The following AMZ2 variants were observed in gnomAD, a reference collection of about 807,000 sequenced individuals.
The protein encoded by AMZ2 is archaelysin family metallopeptidase 2.
AMZ2 carries 26 observed loss-of-function variants against 36.7 expected under a neutral mutation model. The observed-to-expected ratio is 0.71, with a 90% CI of 0.52 to 0.98. AMZ2 has a LOEUF of 0.98. Among genes scored for constraint, AMZ2 ranks in the 50% least tolerant of loss-of-function variants. AMZ2 has a pLI of 0.00. For synonymous variants in AMZ2, 144 were observed against 149.1 expected (o/e 0.97, Z 0.25); for missense variants, 394 against 430.5 (o/e 0.92, Z 0.75).
chr17:68,256,872 A>G lies in AMZ2; in HGVS notation c.986A>G (p.His329Arg). 1.9e-6 allele frequency: 3 copies of G among 1,614,202 alleles called. No homozygotes were observed. The highest frequency in any genetic ancestry group is 2.5e-6 in the Non-Finnish European group (3 of 1,180,038). Residue 329 changes from histidine to arginine, a missense_variant, in exon 7 of 7, where the codon CAC becomes CGC. Physicochemically the swap from His to Arg is conservative, Grantham distance 29. Coordinates refer to ENST00000359904, the MANE Select transcript of AMZ2 (RefSeq NM_016627.5). The part of the protein sequence containing the change: ...SSDTPGATPE[H>R]SHEDNGNLPK... ...GACACACCTGGAGCAACTCCAGAACACAGTCACGAGGATAATGGGAATTTA... is the reference window on the plus strand; with the variant it reads ...GACACACCTGGAGCAACTCCAGAACGCAGTCACGAGGATAATGGGAATTTA...
In AMZ2 at chr17:68,250,903, T is replaced by C. The variant is rs1204065384; in HGVS notation, c.393T>C (p.Pro131=). ...GAGTAAAACTCCTAGAACCAGTTCC[T>C]GTTTCTGTAACAAGATGTTCCTTTA... ...GLRVKLLEPV[P]VSVTRCSFRV... Residue 131 remains proline, a synonymous_variant, in exon 3 of 7, where the codon CCT becomes CCC. Coordinates refer to ENST00000359904, the MANE Select transcript of AMZ2 (RefSeq NM_016627.5). 6.2e-7 allele frequency: 1 copy of C among 1,610,778 alleles called. No individual in the cohort carries two copies. Among genetic ancestry groups the C allele is most frequent in the African/African-American group, 1.3e-5 (1 of 74,730 alleles).
Position 68,235,121 on chromosome 17 carries a change from C to T in AMZ2, c.-66-13519C>T, listed in dbSNP as rs34963864. Among the ~76,000 whole-genome samples the T allele has an allele frequency of 0.22, 33,451 of 152,166 alleles. 4,486 individuals are homozygous for T. The highest frequency in any genetic ancestry group is 0.38 in the African/African-American group (15,562 of 41,492). The stretch of plus-strand genomic sequence containing the variant: ...ACTCATAGTGACTCACATCAACAGG[C>T]CCTTTTGTCAGCGGGCATTTCCGTA... On this transcript the variant is annotated intron_variant, in intron 1 of 7. Coordinates refer to the AMZ2 transcript ENST00000674770. The surrounding 1 kb of genome is among the most constrained non-coding windows in gnomAD (Gnocchi z 4.2).
intron 1 of AMZ2, among the ~76,000 whole-genome samples, chr17:68,214,219 T>A (rs1365160538): frequency 6.6e-6 from 1 of 152,194 alleles, no homozygotes; most frequent in African/African-American, 2.4e-5. Context: ...CAATTTTGAC[T>A]TAACCATTGG....
chr17:68,219,494 C>T (rs1333213909), intron 1 of AMZ2, among the ~76,000 whole-genome samples: 1 of 152,040 alleles, frequency 6.6e-6, no homozygotes, highest in Non-Finnish European at 1.5e-5. Flanking sequence ...ACTGCTTTTT[C>T]AGGGAACTTA....
At chr17:68,206,229 A>G (rs62085747) in exon 1 of AMZ2, 300,129 of 1,300,040 alleles carry the variant, frequency 0.23, 40,125 homozygotes, top group African/African-American at 0.6. Context: ...TACCTACAGC[A>G]GCACTCCAGG....
At chr17:68,243,784 C>T (rs1380844510), upstream of AMZ2, among the ~76,000 whole-genome samples, 1 of 152,002 alleles carries the variant, frequency 6.6e-6, no homozygotes, top group African/African-American at 2.4e-5. Flanking sequence ...ATATATCACA[C>T]ATTCAAAAAA....
intron 1 of AMZ2, among the ~76,000 whole-genome samples, chr17:68,234,651 T>C (rs782682725): frequency 3.3e-5 from 5 of 151,980 alleles, no homozygotes; most frequent in African/African-American, 4.8e-5. Context: ...ACACCTATAG[T>C]CTTAGCTACT....
At chr17:68,228,132 C>A (rs539383798) in intron 1 of AMZ2, among the ~76,000 whole-genome samples, 2 of 152,072 alleles carry the variant, frequency 1.3e-5, no homozygotes, top group Admixed American at 6.6e-5. Context: ...CTTTCCTGCC[C>A]GAGCTCAGCT....
At chr17:68,210,700 C>T (rs573301873) in intron 1 of AMZ2, among the ~76,000 whole-genome samples, 1 of 152,242 alleles carries the variant, frequency 6.6e-6, no homozygotes, top group East Asian at 1.9e-4. Context: ...GTAATTCCAG[C>T]ACTTTGGGGG....
chr17:68,216,277 G>T (rs183759806), intron 1 of AMZ2, among the ~76,000 whole-genome samples: 3 of 152,182 alleles, frequency 2.0e-5, no homozygotes, highest in African/African-American at 7.2e-5. Flanking sequence ...GGGACTACAG[G>T]CATGTGCCAC....
At chr17:68,224,129 G>C (rs2073446972) in intron 1 of AMZ2, among the ~76,000 whole-genome samples, 2 of 152,142 alleles carry the variant, frequency 1.3e-5, no homozygotes, top group African/African-American at 2.4e-5. Flanking sequence ...TTTTAGTAGA[G>C]ACGGGGTTTT....
At chr17:68,215,035 C>T (rs536543387) in intron 1 of AMZ2, among the ~76,000 whole-genome samples, 3 of 152,184 alleles carry the variant, frequency 2.0e-5, no homozygotes, top group African/African-American at 4.8e-5. Flanking sequence ...CTGCCCTCCT[C>T]GGCCTCTCAA....
intron 1 of AMZ2, among the ~76,000 whole-genome samples, chr17:68,209,630 A>ATTT (rs1339157573): frequency 3.7e-4 from 36 of 98,440 alleles, no homozygotes; most frequent in African/African-American, 1.6e-3. Flanking sequence ...ATATATATAT[A>ATTT]TATTTTTTTT....
At chr17:68,253,328 A>C (rs782638852) in intron 4 of AMZ2, among the ~76,000 whole-genome samples, 1 of 152,204 alleles carries the variant, frequency 6.6e-6, no homozygotes, top group South Asian at 2.1e-4. Flanking sequence ...CAAATCTACT[A>C]TGGGTTTATT....
At position 68,255,744 on chromosome 17, in the gene AMZ2, C is replaced by T; in HGVS notation, c.795C>T (p.Cys265=). The stretch of plus-strand genomic sequence containing the variant: ...GACACATATTTGGACTGCGACACTG[C>T]CAGTGGCTTGCATGCCTCATGCAAG... The part of the protein sequence containing the change: ...EIGHIFGLRH[C]QWLACLMQGS... Residue 265 remains cysteine, a synonymous_variant, in exon 6 of 7, where the codon TGC becomes TGT. Transcript: ENST00000359904. The T allele has an allele frequency of 6.2e-7, 1 of 1,614,138 alleles. No homozygotes were observed. The highest frequency in any genetic ancestry group is 8.5e-7 in the Non-Finnish European group (1 of 1,180,002).
At position 68,254,441 on chromosome 17, in the gene AMZ2, T is replaced by C. The variant is rs781856628; in HGVS notation, c.624T>C (p.Asp208=). Residue 208 remains aspartate, a synonymous_variant, in exon 5 of 7, where the codon GAT becomes GAC. Transcript: ENST00000359904. ...TCAGCTTTGCCAGGTATGGCAGTGATTTTTATAGCATGCACTATAAAGGCA... is the reference window on the plus strand; with the variant it reads ...TCAGCTTTGCCAGGTATGGCAGTGACTTTTATAGCATGCACTATAAAGGCA... The part of the protein sequence containing the change: ...GIFSFARYGS[D]FYSMHYKGKV... 23 of 1,613,330 alleles carry C rather than the reference T, an allele frequency of 1.4e-5. 1 individual carries two copies. Among genetic ancestry groups the C allele is most frequent in the Non-Finnish European group, 1.8e-5 (21 of 1,179,962 alleles).
intron 5 of AMZ2, among the ~76,000 whole-genome samples, chr17:68,255,263 T>A (rs1186254418): frequency 1.1e-4 from 16 of 152,058 alleles, no homozygotes; most frequent in African/African-American, 3.9e-4. Context: ...AGCCCCAGAA[T>A]CAGAATTACA....
At chr17:68,227,339 A>G (rs1214605216) in intron 1 of AMZ2, among the ~76,000 whole-genome samples, 1 of 152,310 alleles carries the variant, frequency 6.6e-6, no homozygotes, top group East Asian at 1.9e-4. Flanking sequence ...GCAGTTAACC[A>G]GGAGCCTGGG....
chr17:68,211,848 A>G (rs569029611), intron 1 of AMZ2, among the ~76,000 whole-genome samples: 1 of 146,320 alleles, frequency 6.8e-6, no homozygotes, highest in Non-Finnish European at 1.5e-5. Flanking sequence ...GTACATGTAT[A>G]TATATGTATA....
Sources: gnomAD v4.1 joint callset for allele counts (sites outside exome capture counted in the v4.1 genomes callset) on GRCh38, gnomAD v4.1.1 for gene constraint, Gnocchi (gnomAD v3.1) non-coding constraint, MANE v1.5 for transcripts, NCBI Gene and HGNC (gene_info 2026-07-23, HGNC 2026-07-21) for gene names.